The following MAPT variants were observed in gnomAD, a reference collection of about 807,000 sequenced individuals.
MAPT encodes microtubule-associated protein tau.
A neutral mutation model predicts 67.9 loss-of-function variants in MAPT; 34 were observed. That is an observed-to-expected ratio of 0.50 (90% CI 0.38 to 0.67). The LOEUF is 0.67. Among genes scored for constraint, MAPT ranks in the 30% least tolerant of loss-of-function variants. The pLI is 0.00. For synonymous variants in MAPT, 456 were observed against 464.5 expected (o/e 0.98, Z 0.23); for missense variants, 881 against 1,115.2 (o/e 0.79, Z 2.99).
chr17:45,990,384 A>G, intron 7 of MAPT: 2 of 466,820 alleles, frequency 4.3e-6, no homozygotes, highest in Admixed American at 3.1e-5. Context: ...GAGGCCGAGG[A>G]GGGTGGATCA....
chr17:45,986,708 G>A (rs933743126), intron 5 of MAPT, among the ~76,000 whole-genome samples: 4 of 152,350 alleles, frequency 2.6e-5, no homozygotes, highest in African/African-American at 9.6e-5. Flanking sequence ...AGGAGCCTGT[G>A]GGTTAGGGAG....
At chr17:45,912,287 C>G (rs2064850841) in intron 1 of MAPT, among the ~76,000 whole-genome samples, 1 of 152,210 alleles carries the variant, frequency 6.6e-6, no homozygotes, top group Non-Finnish European at 1.5e-5. Context: ...TCTCCAGAAC[C>G]TGTAAATGTG....
intron 2 of MAPT, among the ~76,000 whole-genome samples, chr17:45,964,296 G>C (rs527630809): frequency 6.6e-6 from 1 of 151,832 alleles, no homozygotes; most frequent in South Asian, 2.1e-4. Context: ...CCATGTTGGT[G>C]TGCTGCACCC....
At chr17:45,913,631 G>A (rs187660289) in intron 1 of MAPT, among the ~76,000 whole-genome samples, 1 of 152,310 alleles carries the variant, frequency 6.6e-6, no homozygotes, top group East Asian at 1.9e-4. Flanking sequence ...AGATGCTACA[G>A]GAAGATGCTG....
At chr17:45,950,477 C>T (rs927176655) in intron 1 of MAPT, among the ~76,000 whole-genome samples, 3 of 152,030 alleles carry the variant, frequency 2.0e-5, no homozygotes, top group Non-Finnish European at 4.4e-5. Context: ...GAGGCCCCAG[C>T]CTTGGCAAAA....
chr17:45,933,013 C>T (rs2066984419), intron 1 of MAPT, among the ~76,000 whole-genome samples: 1 of 151,804 alleles, frequency 6.6e-6, no homozygotes, highest in Middle Eastern at 3.2e-3. Context: ...ACCCAGGAGG[C>T]GGAGATTGCA....
chr17:45,992,402 A>G (rs74759276), intron 8 of MAPT, among the ~76,000 whole-genome samples: 22,057 of 152,192 alleles, frequency 0.14, 2,145 homozygotes, highest in Non-Finnish European at 0.22. Flanking sequence ...ACAATGGGTG[A>G]CGTCACTCAG....
At chr17:45,986,858 G>C (rs561514232) in intron 5 of MAPT, among the ~76,000 whole-genome samples, 182 bp from the exon 6 acceptor site, 1 of 152,336 alleles carries the variant, frequency 6.6e-6, no homozygotes. Flanking sequence ...CCAGTGTGCT[G>C]TGTTGATACT....
chr17:45,968,499 A>G (rs796229327), intron 2 of MAPT, among the ~76,000 whole-genome samples: 27 of 152,318 alleles, frequency 1.8e-4, no homozygotes, highest in African/African-American at 6.5e-4. Flanking sequence ...GAGAGAATGG[A>G]CACCAGGTGG....
intron 9 of MAPT, among the ~76,000 whole-genome samples, chr17:46,005,206 G>A (rs1598360446): frequency 6.6e-6 from 1 of 152,184 alleles, no homozygotes; most frequent in Non-Finnish European, 1.5e-5. Context: ...TGAAAAACTG[G>A]TAAGTTTTCT....
At chr17:45,904,619 G>A (rs1206275336) in intron 1 of MAPT, among the ~76,000 whole-genome samples, 1 of 150,762 alleles carries the variant, frequency 6.6e-6, no homozygotes, top group African/African-American at 2.4e-5. Context: ...TTGAGCCCAG[G>A]AGTTCAAGGC....
chr17:45,963,741 G>A (rs56280951), intron 2 of MAPT, among the ~76,000 whole-genome samples: 21,736 of 152,164 alleles, frequency 0.14, 2,100 homozygotes, highest in Non-Finnish European at 0.22. Context: ...TTGCTGGAGT[G>A]GGTGGGGTCT....
chr17:45,927,743 G>A (rs1247858707), intron 1 of MAPT, among the ~76,000 whole-genome samples: 1 of 152,096 alleles, frequency 6.6e-6, no homozygotes, highest in Non-Finnish European at 1.5e-5. Flanking sequence ...ACTCACGCCT[G>A]TAATTCCAGC....
chr17:46,012,903 C>T (rs542907205), intron 10 of MAPT, among the ~76,000 whole-genome samples: 5 of 152,198 alleles, frequency 3.3e-5, no homozygotes, highest in Non-Finnish European at 7.4e-5. Context: ...CAAGCCAGGC[C>T]GCGCGCCATC....
At chr17:45,941,293 A>G (rs1424056821) in intron 1 of MAPT, among the ~76,000 whole-genome samples, 1 of 152,176 alleles carries the variant, frequency 6.6e-6, no homozygotes, top group Non-Finnish European at 1.5e-5. Flanking sequence ...CCCCACTTTG[A>G]GTTACAATTC....
intron 11 of MAPT, among the ~76,000 whole-genome samples, chr17:46,015,871 A>T (rs1319356997): frequency 2.0e-5 from 3 of 152,186 alleles, no homozygotes; most frequent in African/African-American, 4.8e-5. Flanking sequence ...AAATTAAAAA[A>T]ATATATTTTT....
intron 12 of MAPT, among the ~76,000 whole-genome samples, chr17:46,020,560 G>A (rs2076466569): frequency 6.6e-6 from 1 of 152,178 alleles, no homozygotes; most frequent in African/African-American, 2.4e-5. Context: ...CCCGATACTG[G>A]GCAGTCTAAA....
intron 1 of MAPT, among the ~76,000 whole-genome samples, chr17:45,928,886 T>C (rs62061705): frequency 0.14 from 21,808 of 152,044 alleles, 2,133 homozygotes; most frequent in Middle Eastern, 0.22. Context: ...TTAGTAGAGA[T>C]GGGGTTTCAC....
chr17:45,904,057 T>G (rs747971241), intron 1 of MAPT, among the ~76,000 whole-genome samples: 1,589 of 28,942 alleles, frequency 0.055, 186 homozygotes, highest in Non-Finnish European at 0.087. Flanking sequence ...ATATATTATA[T>G]ATTATATATT....
Sources: gnomAD v4.1 joint callset for allele counts (sites outside exome capture counted in the v4.1 genomes callset) on GRCh38, gnomAD v4.1.1 for gene constraint, MANE v1.5 for transcripts, NCBI Gene and HGNC (gene_info 2026-07-23, HGNC 2026-07-21) for gene names.